IQCE: variants seen among roughly 807,000 people sequenced by gnomAD.
IQCE encodes IQ domain-containing protein E.
IQCE carries 115 observed loss-of-function variants against 96.0 expected under a neutral mutation model. The ratio of observed to expected loss-of-function variants is 1.20; its 90% CI spans 1.03 to 1.40. IQCE has a LOEUF of 1.40. IQCE is among the 40% of genes most tolerant of loss of function. The pLI is 0.00. For missense variants in IQCE, 1,041 were observed against 909.1 expected, an observed-to-expected ratio of 1.15 and a Z score of -1.87; for synonymous variants, 412 against 371.2, an observed-to-expected ratio of 1.11 and a Z score of -1.26.
intron 1 of IQCE, among the ~76,000 whole-genome samples, chr7:2,565,613 C>G (rs1246963386): frequency 6.6e-6 from 1 of 152,154 alleles, no homozygotes; most frequent in African/African-American, 2.4e-5. Flanking sequence ...CAGGCACGTC[C>G]TTGTGATGCC....
intron 17 of IQCE, 75 bp from the exon 18 acceptor site, chr7:2,601,366 A>G (rs1469984291): frequency 9.8e-7 from 1 of 1,017,288 alleles, no homozygotes; most frequent in African/African-American, 1.6e-5. Flanking sequence ...CCTGTTGGCA[A>G]GATGAAGGAA....
chr7:2,573,334 C>T (rs1210020388), intron 5 of IQCE, 84 bp from the exon 6 acceptor site: 2 of 713,320 alleles, frequency 2.8e-6, no homozygotes, highest in Non-Finnish European at 4.9e-6. Flanking sequence ...ATGTTACTAA[C>T]TTCCAGGTTT....
intron 13 of IQCE, among the ~76,000 whole-genome samples, 166 bp from the exon 14 acceptor site, chr7:2,589,741 T>C (rs1727356178): frequency 6.6e-6 from 1 of 152,194 alleles, no homozygotes; most frequent in Non-Finnish European, 1.5e-5. Context: ...GCTCTTCCAG[T>C]AGCTTGTGCC....
At chr7:2,601,843 C>T (rs188135871) in intron 18 of IQCE, 33 of 211,190 alleles carry the variant, frequency 1.6e-4, no homozygotes, top group Admixed American at 2.3e-4. Context: ...AGCCACCGCG[C>T]CCGGCAAGTC....
chr7:2,609,983 C>T (rs1004616914), intron 21 of IQCE, 61 bp from the exon 22 acceptor site: 11 of 914,774 alleles, frequency 1.2e-5, no homozygotes, highest in Middle Eastern at 2.1e-4. Context: ...TAAGGGTGTC[C>T]GTGGTGGCAG....
Position 2,590,140 on chromosome 7 carries a change from C to T in IQCE, c.1244+34C>T, listed in dbSNP as rs765314142. ...TCCCAAGGCCCCGCCAGTGTCCCCACGGGCACAGGTGCTGCAGAGAGAGTA... is the reference window on the plus strand; with the variant it reads ...TCCCAAGGCCCCGCCAGTGTCCCCATGGGCACAGGTGCTGCAGAGAGAGTA... On this transcript the variant is annotated intron_variant, in intron 14 of 21. Coordinates refer to ENST00000402050, the MANE Select transcript of IQCE (RefSeq NM_152558.5). 3.8e-6 allele frequency: 6 copies of T among 1,581,878 alleles called. No individual in the cohort carries two copies. In the East Asian group the frequency reaches 1.1e-4, roughly 30 times the overall value.
rs550548185 is a variant in IQCE, at chr7:2,580,480, C to T, written c.630+1954C>T. Reference sequence around the variant, plus strand: ...CAAAAAAATTAGCCAGGTATGATGGCGCGTGCCTGTAATCCCAGCTACTCA... The same window carrying T: ...CAAAAAAATTAGCCAGGTATGATGGTGCGTGCCTGTAATCCCAGCTACTCA... On this transcript the variant is annotated intron_variant, in intron 8 of 21. Transcript: ENST00000402050. 3.9e-5 allele frequency among the ~76,000 whole-genome samples: 6 copies of T among 152,086 alleles called. 1 individual carries two copies. The highest frequency in any genetic ancestry group is 1.2e-4 in the African/African-American group (5 of 41,492).
intron 5 of IQCE, among the ~76,000 whole-genome samples, 192 bp from the exon 6 acceptor site, chr7:2,573,226 A>G (rs1022173433): frequency 2.0e-5 from 3 of 152,026 alleles, no homozygotes; most frequent in African/African-American, 2.4e-5. Context: ...TCTATCTACC[A>G]TTTTTGCTTT....
chr7:2,593,821 G>A (rs1313311381), intron 15 of IQCE, among the ~76,000 whole-genome samples: 2 of 152,224 alleles, frequency 1.3e-5, no homozygotes, highest in Non-Finnish European at 2.9e-5. Flanking sequence ...TTGTGAAGAT[G>A]CTAGAATTCA....
intron 19 of IQCE, among the ~76,000 whole-genome samples, chr7:2,605,639 A>AGT (rs1784756418): frequency 2.9e-5 from 4 of 138,432 alleles, no homozygotes; most frequent in South Asian, 2.1e-4. Flanking sequence ...TAAATAAGTA[A>AGT]ATAAATAAAT....
At chr7:2,561,714 T>C (rs1235277719) in intron 1 of IQCE, among the ~76,000 whole-genome samples, 1 of 152,178 alleles carries the variant, frequency 6.6e-6, no homozygotes, top group Non-Finnish European at 1.5e-5. Context: ...AGCCACCACG[T>C]CCGGCCTTAC....
At position 2,606,605 on chromosome 7, in the gene IQCE, C is replaced by T. The variant is rs1231592722; in HGVS notation, c.1866-519C>T. 2.6e-5 allele frequency among the ~76,000 whole-genome samples: 4 copies of T among 152,298 alleles called. No homozygotes were observed. In the South Asian group the frequency reaches 8.3e-4, roughly 32 times the overall value. On this transcript the variant is annotated intron_variant, in intron 20 of 21. Coordinates refer to ENST00000402050, the MANE Select transcript of IQCE (RefSeq NM_152558.5). ...TCTTATCACAGACTGCTCTGGTTCT[C>T]AGCCTCTGTGGTGGAGCCGCGCGGC...
intron 17 of IQCE, among the ~76,000 whole-genome samples, chr7:2,600,770 C>T (rs1340212945): frequency 1.3e-5 from 2 of 152,198 alleles, no homozygotes; most frequent in African/African-American, 2.4e-5. Context: ...ACCTGTCATC[C>T]GGCCGTGGTG....
rs1783106847 is a variant in IQCE, at chr7:2,586,312, G to A, written c.929G>A (p.Ser310Asn). 1 of 1,614,006 alleles carries A rather than the reference G, an allele frequency of 6.2e-7. No individual in the cohort carries two copies. The highest frequency in any genetic ancestry group is 1.7e-4 in the Middle Eastern group (1 of 6,022). Residue 310 changes from serine to asparagine, a missense_variant, in exon 12 of 22, where the codon AGC (serine) becomes AAC (asparagine). Coordinates refer to ENST00000402050, the MANE Select transcript of IQCE (RefSeq NM_152558.5). ...SVQELTEENQ[S>N]LKEDLDRVLS... is the part of the protein sequence containing the mutation. ...CAGGAGCTCACGGAAGAGAACCAGA[G>A]CCTGAAGGAGGACCTGGACCGCGTG...
intron 1 of IQCE, 21 bp from the exon 2 acceptor site, chr7:2,567,095 T>A: frequency 6.2e-7 from 1 of 1,611,524 alleles, no homozygotes. Flanking sequence ...CGAGTTACAG[T>A]GTTTGCCTCT....
At chr7:2,581,755 G>A (rs1189362739) in intron 8 of IQCE, among the ~76,000 whole-genome samples, 1 of 147,696 alleles carries the variant, frequency 6.8e-6, no homozygotes, top group East Asian at 2.0e-4. Flanking sequence ...TGTCACCCAC[G>A]CTGGAGTGCA....
rs943488931 is a variant in IQCE, at chr7:2,611,596, G to C, written c.*1434G>C. 6.6e-6 allele frequency: 1 copy of C among 152,216 alleles called. No individual in the cohort carries two copies. The highest frequency in any genetic ancestry group is 1.5e-5 in the Non-Finnish European group (1 of 68,092). 9.4% of individuals were successfully genotyped at this position (152,216 alleles called of 1,614,324 possible). ...CACAGTGGCTTGTGAAAGGGAGAGA[G>C]GAGGCTCTGCATGTCCACCTGCTCT... On this transcript the variant is annotated 3_prime_UTR_variant, in exon 22 of 22. Transcript: ENST00000402050.
chr7:2,564,873 G>A (rs1356773202), intron 1 of IQCE, among the ~76,000 whole-genome samples: 1 of 152,172 alleles, frequency 6.6e-6, no homozygotes, highest in South Asian at 2.1e-4. Context: ...TCTCCTGTCT[G>A]TTAGGAGCCT....
In IQCE at chr7:2,612,847, G is replaced by C. The variant is rs1785162080; in HGVS notation, c.*2685G>C. 6.6e-6 allele frequency: 1 copy of C among 152,526 alleles called. No individual in the cohort carries two copies. The highest frequency in any genetic ancestry group is 1.5e-5 in the Non-Finnish European group (1 of 68,212). The allele number at this position is 152,526 out of a possible 1,614,324, so 9.4% of individuals were successfully genotyped here. On this transcript the variant is annotated 3_prime_UTR_variant, in exon 22 of 22. Transcript: ENST00000402050. ...CTGGTGGAGTGGGCTGGGCGGAGCT[G>C]TGGGGGCTGCTGGCAGGGCCTAGGA...
Sources: allele counts gnomAD v4.1 joint callset (sites outside exome capture counted in the v4.1 genomes callset), GRCh38; gene constraint gnomAD v4.1.1; transcripts MANE v1.5; gene names NCBI Gene and HGNC (gene_info 2026-07-23, HGNC 2026-07-21).